The following CACNA2D1 variants were observed in gnomAD, a reference collection of about 807,000 sequenced individuals.
CACNA2D1 encodes calcium voltage-gated channel auxiliary subunit alpha2delta 1, also known as voltage-dependent calcium channel subunit alpha-2/delta-1.
CACNA2D1 carries 53 observed loss-of-function variants against 171.5 expected under a neutral mutation model. The observed-to-expected ratio is 0.31, with a 90% CI of 0.25 to 0.39. The LOEUF is 0.39. Ranked by LOEUF, CACNA2D1 falls within the 10% of genes least tolerant of loss-of-function variation. The probability of loss-of-function intolerance (pLI) is 1.00; values close to 1 mark genes in which losing one functional copy is unlikely to be tolerated. For missense variants in CACNA2D1, 903 were observed against 1,299.8 expected (o/e 0.69, Z 4.69); for synonymous variants, 442 against 443.1 (o/e 1.00, Z 0.03).
At chr7:81,981,345 C>T (rs186548801) in intron 24 of CACNA2D1, among the ~76,000 whole-genome samples, 4 of 152,242 alleles carry the variant, frequency 2.6e-5, no homozygotes, top group Admixed American at 2.6e-4. Flanking sequence ...TGTCAAAGGA[C>T]AGCGTGATCA....
intron 1 of CACNA2D1, among the ~76,000 whole-genome samples, chr7:82,361,673 T>C (rs1046421651): frequency 3.3e-5 from 5 of 152,166 alleles, no homozygotes; most frequent in African/African-American, 1.2e-4. Context: ...CTAAATCCAA[T>C]AGAAGCTTGC....
chr7:82,021,394 T>C (rs1415233177), intron 12 of CACNA2D1, among the ~76,000 whole-genome samples: 1 of 152,108 alleles, frequency 6.6e-6, no homozygotes, highest in Admixed American at 6.6e-5. Context: ...AGATGACATA[T>C]ATAAGAACAT....
intron 8 of CACNA2D1, among the ~76,000 whole-genome samples, chr7:82,066,140 C>T (rs1370066475): frequency 6.6e-6 from 1 of 152,064 alleles, no homozygotes; most frequent in Non-Finnish European, 1.5e-5. Flanking sequence ...TCTGTTGGAG[C>T]TCTACTCCAA....
chr7:82,231,036 A>C (rs1464715959), intron 3 of CACNA2D1, among the ~76,000 whole-genome samples: 1 of 152,184 alleles, frequency 6.6e-6, no homozygotes, highest in Non-Finnish European at 1.5e-5. Context: ...ATGTCAGCAA[A>C]TGTTCCTCTT....
At chr7:82,210,176 A>G (rs992128401) in intron 3 of CACNA2D1, among the ~76,000 whole-genome samples, 1 of 152,162 alleles carries the variant, frequency 6.6e-6, no homozygotes, top group Non-Finnish European at 1.5e-5. Flanking sequence ...GTAATTAATA[A>G]TAAGTTCATT....
At chr7:82,125,527 C>G (rs12113023) in intron 5 of CACNA2D1, among the ~76,000 whole-genome samples, 1 of 152,064 alleles carries the variant, frequency 6.6e-6, no homozygotes, top group Non-Finnish European at 1.5e-5. Flanking sequence ...ATAATTGTTA[C>G]ATTGCTAGCT....
intron 1 of CACNA2D1, among the ~76,000 whole-genome samples, chr7:82,370,499 A>C (rs1006560167): frequency 2.8e-5 from 4 of 140,826 alleles, no homozygotes; most frequent in African/African-American, 9.9e-5. Context: ...AAATCAGATA[A>C]ACAAAATTTT....
At chr7:82,040,623 G>C (rs1019375509) in intron 10 of CACNA2D1, among the ~76,000 whole-genome samples, 1 of 152,100 alleles carries the variant, frequency 6.6e-6, no homozygotes, top group African/African-American at 2.4e-5. Context: ...TTTTGGATGA[G>C]AGAAAAATGT....
chr7:82,381,030 C>T (rs538833411), intron 1 of CACNA2D1, among the ~76,000 whole-genome samples: 214 of 151,572 alleles, frequency 1.4e-3, no homozygotes, highest in Non-Finnish European at 2.1e-3. Context: ...ATGTCCTTGA[C>T]GGCCGGGTGT....
At chr7:82,179,002 G>A (rs1011196822) in intron 3 of CACNA2D1, among the ~76,000 whole-genome samples, 11 of 152,132 alleles carry the variant, frequency 7.2e-5, no homozygotes, top group African/African-American at 2.2e-4. Context: ...CCAAGTCATC[G>A]TCATTCAGTA....
At chr7:82,220,604 T>C (rs1043992308) in intron 3 of CACNA2D1, among the ~76,000 whole-genome samples, 1 of 152,090 alleles carries the variant, frequency 6.6e-6, no homozygotes, top group Non-Finnish European at 1.5e-5. Context: ...CCCCCTCATA[T>C]GAGTAATAAT....
At chr7:82,161,628 G>A (rs73387947) in intron 4 of CACNA2D1, among the ~76,000 whole-genome samples, 1,625 of 152,150 alleles carry the variant, frequency 0.011, 28 homozygotes, top group African/African-American at 0.037. Context: ...GGAGGAGAAA[G>A]TGATCCTTTG....
intron 5 of CACNA2D1, among the ~76,000 whole-genome samples, chr7:82,135,180 G>C (rs1791461875): frequency 1.3e-5 from 2 of 151,864 alleles, no homozygotes; most frequent in South Asian, 2.1e-4. Flanking sequence ...TTATTCTAAG[G>C]CTTTGTCATC....
chr7:82,246,978 A>G (rs535878461), intron 3 of CACNA2D1, among the ~76,000 whole-genome samples: 43 of 152,116 alleles, frequency 2.8e-4, no homozygotes, highest in Non-Finnish European at 5.1e-4. Context: ...ACCAGTCTCC[A>G]GCTTTGAGAA....
intron 7 of CACNA2D1, among the ~76,000 whole-genome samples, chr7:82,079,019 G>GGACA (rs1809352255): frequency 6.6e-6 from 1 of 152,150 alleles, no homozygotes; most frequent in Non-Finnish European, 1.5e-5. Flanking sequence ...TTCAGTCCAA[G>GGACA]GACAGACATT....
chr7:82,260,178 T>C (rs1344005233), intron 3 of CACNA2D1, among the ~76,000 whole-genome samples: 1 of 152,084 alleles, frequency 6.6e-6, no homozygotes, highest in South Asian at 2.1e-4. Context: ...GCCAAGATCA[T>C]AGCATTGCAC....
At position 82,179,251 on chromosome 7, in the gene CACNA2D1, T is replaced by C. The variant is rs537076705; in HGVS notation, c.295-8642A>G. Among the ~76,000 whole-genome samples the C allele has an allele frequency of 6.6e-5, 10 of 152,172 alleles. 1 individual carries two copies. The South Asian group carries it at 2.1e-3, about 32-fold the overall frequency. Reference sequence around the variant, plus strand: ...TCTAAGACCTTATTCAGTTACCTTATTCTCTACATGTTGACTGCTGCAGAT... The same window carrying C: ...TCTAAGACCTTATTCAGTTACCTTACTCTCTACATGTTGACTGCTGCAGAT... On this transcript the variant is annotated intron_variant, in intron 3 of 38. Coordinates refer to ENST00000356860, the MANE Select transcript of CACNA2D1 (RefSeq NM_000722.4).
intron 1 of CACNA2D1, among the ~76,000 whole-genome samples, chr7:82,357,745 A>T (rs1024002863): frequency 6.6e-6 from 1 of 151,196 alleles, no homozygotes; most frequent in Non-Finnish European, 1.5e-5. Context: ...TAGCATTAGG[A>T]GATATACCTA....
chr7:82,242,809 A>T (rs1585200300), intron 3 of CACNA2D1, among the ~76,000 whole-genome samples: 1 of 10,714 alleles, frequency 9.3e-5, no homozygotes, highest in South Asian at 2.1e-3. Context: ...AGTCAGACTC[A>T]ATACTGAATT....
Sources: gnomAD v4.1 joint callset for allele counts (sites outside exome capture counted in the v4.1 genomes callset) on GRCh38, gnomAD v4.1.1 for gene constraint, MANE v1.5 for transcripts, NCBI Gene and HGNC (gene_info 2026-07-23, HGNC 2026-07-21) for gene names.